The following SLC26A5 variants were observed in gnomAD, a reference collection of about 807,000 sequenced individuals.
The protein encoded by SLC26A5 is solute carrier family 26 member 5, also known as prestin.
Under a neutral mutation model 81.0 loss-of-function variants are expected in SLC26A5, and 51 were observed. That is an observed-to-expected ratio of 0.63 (90% confidence interval 0.50 to 0.80). The LOEUF (loss-of-function observed/expected upper bound fraction) is 0.80. SLC26A5 is among the 30% of genes least tolerant of loss of function. The pLI is 0.00. For synonymous variants in SLC26A5, 325 were observed against 332.8 expected (o/e 0.98, Z 0.25); for missense variants, 771 against 905.8 (o/e 0.85, Z 1.91).
intron 8 of SLC26A5, among the ~76,000 whole-genome samples, chr7:103,402,049 T>C (rs918037656): frequency 2.6e-5 from 4 of 152,232 alleles, no homozygotes; most frequent in Non-Finnish European, 5.9e-5. Flanking sequence ...TGCCAGGTTT[T>C]GGTAGCAGGA....
Position 103,390,459 on chromosome 7 carries a change from T to A in SLC26A5, c.1281A>T (p.Ala427=). The change falls in exon 12 of 20, where the codon GCA becomes GCT. Residue 427 remains alanine (A), a synonymous_variant. Coordinates refer to ENST00000306312, the MANE Select transcript of SLC26A5 (RefSeq NM_198999.3). ...ASLMILLVIL[A]TGFLFESLPQ... is the part of the protein sequence containing the mutation. Reference sequence around the variant, plus strand: ...GCAATGATTCAAAGAGGAATCCAGTTGCTAATATGACCAGCAGAATCATTA... The same window carrying A: ...GCAATGATTCAAAGAGGAATCCAGTAGCTAATATGACCAGCAGAATCATTA... 6.2e-7 allele frequency: 1 copy of A among 1,614,194 alleles called. No homozygotes were observed. The highest frequency in any genetic ancestry group is 8.5e-7 in the Non-Finnish European group (1 of 1,180,030).
chr7:103,403,063 G>A (rs1313698625), intron 8 of SLC26A5, among the ~76,000 whole-genome samples: 1 of 152,042 alleles, frequency 6.6e-6, no homozygotes, highest in East Asian at 1.9e-4. Context: ...CAGAGATTCT[G>A]GTCGTTGTGT....
intron 14 of SLC26A5, chr7:103,388,398 A>C (rs1364706315): frequency 6.2e-6 from 1 of 160,420 alleles, no homozygotes; most frequent in Non-Finnish European, 1.4e-5. Flanking sequence ...ATGGGGTTTC[A>C]CCATGTTGGC....
intron 19 of SLC26A5, chr7:103,369,187 T>C (rs923711112): frequency 6.6e-6 from 1 of 152,250 alleles, no homozygotes; most frequent in Non-Finnish European, 1.5e-5. Context: ...AAGCCTTTTA[T>C]AAAATCCAAC....
At position 103,379,325 on chromosome 7, in the gene SLC26A5, A is replaced by G. The variant is rs760520761; in HGVS notation, c.1595T>C (p.Ile532Thr). ...DIDAYEEVKE[I>T]PGIKIFQINA... ...TATTTGAAATATTTTTATTCCAGGA[A>G]TTTCTTTCACCTGAAGAGTAAAATA... The change falls in exon 16 of 20, where the codon ATT (isoleucine) becomes ACT (threonine). Residue 532 changes from isoleucine to threonine, a missense_variant. Physicochemically the swap from Ile to Thr is moderately conservative, Grantham distance 89. Coordinates refer to ENST00000306312, the MANE Select transcript of SLC26A5 (RefSeq NM_198999.3). The G allele has an allele frequency of 8.1e-6, 13 of 1,600,998 alleles. No individual in the cohort carries two copies. Among genetic ancestry groups the G allele is most frequent in the Non-Finnish European group, 1.1e-5 (13 of 1,168,542 alleles).
intron 19 of SLC26A5, chr7:103,364,444 T>C (rs1341824216): frequency 7.3e-6 from 7 of 956,340 alleles, no homozygotes; most frequent in East Asian, 5.5e-5. Flanking sequence ...AGTCTCATTG[T>C]GTTGCCCAGG....
At chr7:103,370,258 T>C (rs1820953214), downstream of SLC26A5, among the ~76,000 whole-genome samples, 1 of 152,090 alleles carries the variant, frequency 6.6e-6, no homozygotes, top group African/African-American at 2.4e-5. Flanking sequence ...GCATACAGGC[T>C]CACACCAAGG....
chr7:103,371,061 C>G (rs1448254637), downstream of SLC26A5, among the ~76,000 whole-genome samples: 1 of 152,014 alleles, frequency 6.6e-6, no homozygotes, highest in Non-Finnish European at 1.5e-5. Flanking sequence ...AAGCCAGAGA[C>G]GAGACTGTAA....
At position 103,407,824 on chromosome 7, in the gene SLC26A5, G is replaced by A. The variant is rs756571728; in HGVS notation, c.888+27C>T. On this transcript the variant is annotated intron_variant, in intron 8 of 19. Coordinates refer to ENST00000306312, the MANE Select transcript of SLC26A5 (RefSeq NM_198999.3). ...AAGTAAATGCAGTTGTAGAAGCCGAGTAGGTCACTGACCGAAGGTGACTTA... is the reference window on the plus strand; with the variant it reads ...AAGTAAATGCAGTTGTAGAAGCCGAATAGGTCACTGACCGAAGGTGACTTA... 5.0e-6 allele frequency: 8 copies of A among 1,613,072 alleles called. No individual in the cohort carries two copies. In the African/African-American group the frequency reaches 6.7e-5, roughly 13 times the overall value.
At chr7:103,368,886 A>G (rs1355461612) in intron 19 of SLC26A5, 1 of 151,050 alleles carries the variant, frequency 6.6e-6, no homozygotes, top group Non-Finnish European at 1.5e-5. Flanking sequence ...TCTGGTCTAC[A>G]GTGAGGTATT....
At chr7:103,380,218 T>G (rs1821665381) in intron 15 of SLC26A5, among the ~76,000 whole-genome samples, 1 of 152,126 alleles carries the variant, frequency 6.6e-6, no homozygotes, top group Non-Finnish European at 1.5e-5. Context: ...TCAGTTTCAA[T>G]ACTGTATAAA....
chr7:103,426,974 C>G (rs947839719), intron 2 of SLC26A5, among the ~76,000 whole-genome samples: 2 of 152,134 alleles, frequency 1.3e-5, no homozygotes, highest in Non-Finnish European at 2.9e-5. Flanking sequence ...ACACAAAATA[C>G]TAATGACAGC....
intron 12 of SLC26A5, 76 bp downstream of exon 12, chr7:103,390,353 A>G (rs1822546962): frequency 2.3e-6 from 3 of 1,323,160 alleles, no homozygotes; most frequent in Admixed American, 3.4e-5. Context: ...TAATATAGCC[A>G]TAAGAACATA....
At chr7:103,384,217 C>T (rs185720788) in intron 14 of SLC26A5, among the ~76,000 whole-genome samples, 148 of 152,158 alleles carry the variant, frequency 9.7e-4, no homozygotes, top group Admixed American at 3.1e-3. Context: ...CTCCTCGCCT[C>T]AGCAATCCTC....
chr7:103,355,317 A>C (rs1819969239), intron 19 of SLC26A5, among the ~76,000 whole-genome samples: 1 of 152,040 alleles, frequency 6.6e-6, no homozygotes, highest in Non-Finnish European at 1.5e-5. Context: ...TTTTGGGGGG[A>C]ACTTGAATGA....
chr7:103,385,209 T>G (rs1822090475), intron 14 of SLC26A5, among the ~76,000 whole-genome samples: 1 of 152,048 alleles, frequency 6.6e-6, no homozygotes, highest in African/African-American at 2.4e-5. Flanking sequence ...TCGCCTGGGC[T>G]GGAGTGCAGT....
chr7:103,436,977 G>T (rs539537076), intron 2 of SLC26A5, among the ~76,000 whole-genome samples: 1 of 152,258 alleles, frequency 6.6e-6, no homozygotes, highest in South Asian at 2.1e-4. Flanking sequence ...CACAGCAAAG[G>T]AAACAACAAA....
At chr7:103,398,665 A>G (rs779478132) in intron 8 of SLC26A5, among the ~76,000 whole-genome samples, 1 of 152,186 alleles carries the variant, frequency 6.6e-6, no homozygotes, top group Non-Finnish European at 1.5e-5. Flanking sequence ...GAAACAAAAC[A>G]AAAGGTGAGA....
intron 1 of SLC26A5, among the ~76,000 whole-genome samples, chr7:103,444,235 T>C (rs1332391137): frequency 6.6e-6 from 1 of 152,226 alleles, no homozygotes; most frequent in Non-Finnish European, 1.5e-5. Flanking sequence ...TTTCACTAGT[T>C]TGAAACCAAA....
Sources: allele counts gnomAD v4.1 joint callset (sites outside exome capture counted in the v4.1 genomes callset), GRCh38; gene constraint gnomAD v4.1.1; transcripts MANE v1.5; gene names NCBI Gene and HGNC (gene_info 2026-07-23, HGNC 2026-07-21).